Variants in PCDHGA9 observed in about 807,000 individuals in gnomAD.
The protein encoded by PCDHGA9 is protocadherin gamma subfamily A, 9, also known as protocadherin gamma-A9.
In PCDHGA9, 37 loss-of-function variants were observed where a neutral mutation model predicts 62.5. The ratio of observed to expected loss-of-function variants is 0.59; its 90% confidence interval spans 0.46 to 0.78. PCDHGA9 has a LOEUF of 0.78. Ranked by LOEUF, PCDHGA9 falls within the 30% of genes least tolerant of loss-of-function variation. The pLI is 0.00. For missense variants in PCDHGA9, 1,138 were observed against 1,166.2 expected (o/e 0.98, Z 0.35); for synonymous variants, 459 against 484.6 (o/e 0.95, Z 0.69).
intron 1 of PCDHGA9, chr5:141,409,138 A>G (rs2095229593): frequency 1.2e-6 from 2 of 1,614,046 alleles, no homozygotes; most frequent in Non-Finnish European, 1.7e-6. Flanking sequence ...TTGAAGATGT[A>G]GAAAGGTACA....
intron 1 of PCDHGA9, chr5:141,421,255 C>A (rs759899934): frequency 1.9e-6 from 3 of 1,607,644 alleles, no homozygotes; most frequent in Non-Finnish European, 2.5e-6. Context: ...GCGCGGGGAC[C>A]GCAGTCGGCT....
intron 1 of PCDHGA9, chr5:141,423,755 G>GGT (rs1554116817): frequency 5.9e-6 from 3 of 512,508 alleles, no homozygotes; most frequent in Non-Finnish European, 7.8e-6. Context: ...CTGTTTGGGG[G>GGT]GGGGGTGGGG....
At chr5:141,447,011 C>T (rs1213312322) in intron 1 of PCDHGA9, among the ~76,000 whole-genome samples, 1 of 143,918 alleles carries the variant, frequency 6.9e-6, no homozygotes. Flanking sequence ...TCCTAGTGTT[C>T]AGTTTTGTTT....
intron 1 of PCDHGA9, among the ~76,000 whole-genome samples, chr5:141,470,011 C>T (rs2099218489): frequency 6.6e-6 from 1 of 152,144 alleles, no homozygotes; most frequent in Non-Finnish European, 1.5e-5. Context: ...CGCCTGTAAT[C>T]CCAGCTACTC....
chr5:141,459,406 A>C (rs2098967498), intron 1 of PCDHGA9, among the ~76,000 whole-genome samples: 1 of 152,218 alleles, frequency 6.6e-6, no homozygotes, highest in Admixed American at 6.5e-5. Flanking sequence ...GCAGTATTGC[A>C]TTGTGTGGAT....
In PCDHGA9 at chr5:141,490,795, C is replaced by A; in HGVS notation, c.2425-4012C>A. The A allele has an allele frequency of 1.3e-5, 21 of 1,614,036 alleles. No homozygotes were observed. Among genetic ancestry groups the A allele is most frequent in the Non-Finnish European group, 1.8e-5 (21 of 1,179,922 alleles). On this transcript the variant is annotated intron_variant, in intron 1 of 3. Coordinates refer to ENST00000573521, the MANE Select transcript of PCDHGA9 (RefSeq NM_018921.3). This position sits in a 1 kb window ranked among gnomAD's most constrained non-coding sequence, Gnocchi z 5.4. ...CCCAGAGGATGGACGGATCTTTGCC[C>A]AGCGTACCTTTGACTATGAATTGCT...
intron 1 of PCDHGA9, chr5:141,428,296 AT>A: frequency 1.4e-6 from 1 of 713,574 alleles, no homozygotes; most frequent in Non-Finnish European, 2.5e-6. Flanking sequence ...AAAGCTGCAG[AT>A]TTACCTGGTC....
intron 1 of PCDHGA9, chr5:141,409,073 A>G (rs200127436): frequency 6.2e-7 from 1 of 1,613,866 alleles, no homozygotes. Context: ...CACAAAACAT[A>G]TGTTCTCATT....
Position 141,487,673 on chromosome 5 carries a change from C to T in PCDHGA9, c.2425-7134C>T. On this transcript the variant is annotated intron_variant, in intron 1 of 3. Transcript: ENST00000573521. The surrounding 1 kb of genome is among the most constrained non-coding windows in gnomAD (Gnocchi z 5.0). Reference sequence around the variant, plus strand: ...GGGTTATTCTGATCCAGGCATATGGCTAGGCCATGTCCTAGAGAGTACTGG... The same window carrying T: ...GGGTTATTCTGATCCAGGCATATGGTTAGGCCATGTCCTAGAGAGTACTGG... 6.2e-7 allele frequency: 1 copy of T among 1,611,456 alleles called. No homozygotes were observed. Among genetic ancestry groups the T allele is most frequent in the East Asian group, 2.2e-5 (1 of 44,852 alleles).
chr5:141,470,262 A>C (rs924170384), intron 1 of PCDHGA9, among the ~76,000 whole-genome samples: 2 of 152,126 alleles, frequency 1.3e-5, no homozygotes, highest in African/African-American at 4.8e-5. Context: ...CTAAATGGAG[A>C]TACATGTTTG....
chr5:141,471,042 C>G (rs2099247416), intron 1 of PCDHGA9, among the ~76,000 whole-genome samples: 1 of 139,088 alleles, frequency 7.2e-6, no homozygotes, highest in South Asian at 2.3e-4. Flanking sequence ...CAAGCCCAAG[C>G]CCTCTTTTTT....
At chr5:141,423,257 G>A in intron 1 of PCDHGA9, 2 of 1,613,946 alleles carry the variant, frequency 1.2e-6, no homozygotes, top group Non-Finnish European at 1.7e-6. Context: ...GCGGACCTCG[G>A]CAGCCTCGAG....
chr5:141,439,443 G>A (rs867907022), intron 1 of PCDHGA9, among the ~76,000 whole-genome samples: 1 of 152,164 alleles, frequency 6.6e-6, no homozygotes, highest in Non-Finnish European at 1.5e-5. Flanking sequence ...ATATTTTATT[G>A]CGGGAGCAAG....
chr5:141,510,852 G>A (rs2099883073), intron 3 of PCDHGA9, 95 bp from the exon 4 acceptor site: 2 of 1,601,096 alleles, frequency 1.2e-6, no homozygotes, highest in Non-Finnish European at 1.7e-6. Flanking sequence ...GGCCCAGGGT[G>A]CTGTATAGGC....
At chr5:141,452,887 C>T (rs1000136303) in intron 1 of PCDHGA9, among the ~76,000 whole-genome samples, 1 of 152,174 alleles carries the variant, frequency 6.6e-6, no homozygotes, top group Non-Finnish European at 1.5e-5. Flanking sequence ...ATAATTTATT[C>T]CACTTTTATT....
At chr5:141,455,289 A>G (rs1592356100) in intron 1 of PCDHGA9, among the ~76,000 whole-genome samples, 2 of 152,192 alleles carry the variant, frequency 1.3e-5, no homozygotes, top group East Asian at 3.9e-4. Context: ...ATCACTTTAC[A>G]TAGTTTCATC....
chr5:141,433,029 T>C (rs2097561523), intron 1 of PCDHGA9: 2 of 1,613,998 alleles, frequency 1.2e-6, no homozygotes, highest in African/African-American at 2.7e-5. Flanking sequence ...TCCCACGAGG[T>C]TTCCCTCACC....
chr5:141,437,512 G>A (rs1201910374), intron 1 of PCDHGA9, among the ~76,000 whole-genome samples: 2 of 152,144 alleles, frequency 1.3e-5, no homozygotes, highest in African/African-American at 2.4e-5. Flanking sequence ...TGAATTATAA[G>A]GCTGATGACA....
At chr5:141,447,773 T>C (rs2098551408) in intron 1 of PCDHGA9, among the ~76,000 whole-genome samples, 1 of 152,202 alleles carries the variant, frequency 6.6e-6, no homozygotes, top group African/African-American at 2.4e-5. Context: ...AATTATACTT[T>C]AATTGAAAAT....
Sources: gnomAD v4.1 joint callset for allele counts (sites outside exome capture counted in the v4.1 genomes callset) on GRCh38, gnomAD v4.1.1 for gene constraint, Gnocchi (gnomAD v3.1) non-coding constraint, MANE v1.5 for transcripts, NCBI Gene and HGNC (gene_info 2026-07-23, HGNC 2026-07-21) for gene names.